Variants in NRXN3 observed in about 807,000 individuals in gnomAD.
The protein encoded by NRXN3 is neurexin 3.
In NRXN3, 32 loss-of-function variants were observed where a neutral mutation model predicts 137.6. That is an observed-to-expected ratio of 0.23 (90% confidence interval 0.18 to 0.31). NRXN3 has a LOEUF of 0.31. Among genes scored for constraint, NRXN3 ranks in the 10% least tolerant of loss-of-function variants. The pLI, the probability that NRXN3 is intolerant of heterozygous loss-of-function variation, is 1.00. For missense variants in NRXN3, 1,574 were observed against 2,062.5 expected, an observed-to-expected ratio of 0.76 and a Z score of 4.59; for synonymous variants, 798 against 784.5, an observed-to-expected ratio of 1.02 and a Z score of -0.29.
chr14:78,273,939 T>C (rs2073183889), intron 2 of NRXN3, among the ~76,000 whole-genome samples: 3 of 152,220 alleles, frequency 2.0e-5, no homozygotes, highest in Admixed American at 2.0e-4. Flanking sequence ...GTTCACCAGG[T>C]GGGGTCCCAG....
intron 19 of NRXN3, among the ~76,000 whole-genome samples, chr14:79,778,734 A>G (rs2099105192): frequency 6.6e-6 from 1 of 152,184 alleles, no homozygotes; most frequent in Admixed American, 6.5e-5. Context: ...AGTTTAAAAA[A>G]AACATTGTTC....
At chr14:78,501,590 T>C (rs1019933204) in intron 4 of NRXN3, among the ~76,000 whole-genome samples, 26 of 152,214 alleles carry the variant, frequency 1.7e-4, no homozygotes, top group African/African-American at 6.0e-4. Flanking sequence ...GAGAAGGTTA[T>C]ACTTGGGCAC....
At chr14:78,959,159 G>A (rs1300984191) in intron 11 of NRXN3, among the ~76,000 whole-genome samples, 2 of 152,164 alleles carry the variant, frequency 1.3e-5, no homozygotes, top group Admixed American at 6.5e-5. Flanking sequence ...AGGTGTGTGT[G>A]TGTAGAGAAG....
intron 2 of NRXN3, among the ~76,000 whole-genome samples, chr14:78,248,314 C>CCCCCCCCCCCCCCCCCCCCCCCCA (rs71131639): frequency 2.1e-5 from 1 of 47,622 alleles, no homozygotes; most frequent in Non-Finnish European, 4.3e-5. Context: ...CCCCCCCCCC[C>CCCCCCCCCCCCCCCCCCCCCCCCA]CCACCCGCCA....
intron 4 of NRXN3, among the ~76,000 whole-genome samples, chr14:78,546,950 T>C (rs2096641592): frequency 6.6e-6 from 1 of 152,238 alleles, no homozygotes; most frequent in African/African-American, 2.4e-5. Context: ...AATCTGGCAC[T>C]GAAATCCACT....
chr14:79,801,553 C>T (rs1053626952), intron 19 of NRXN3, among the ~76,000 whole-genome samples: 2 of 152,176 alleles, frequency 1.3e-5, no homozygotes, highest in Non-Finnish European at 2.9e-5. Context: ...TGTGCACGCA[C>T]ACACACACAT....
At chr14:78,202,729 T>A (rs1253517003) in intron 1 of NRXN3, among the ~76,000 whole-genome samples, 10 of 152,144 alleles carry the variant, frequency 6.6e-5, no homozygotes, top group Non-Finnish European at 1.5e-4. Flanking sequence ...CCCTGCCAAC[T>A]GTTAAGAGTC....
At chr14:79,473,745 A>G (rs973055657) in intron 16 of NRXN3, among the ~76,000 whole-genome samples, 3 of 147,036 alleles carry the variant, frequency 2.0e-5, no homozygotes, top group African/African-American at 7.6e-5. Flanking sequence ...TTCCATCGCT[A>G]TTTGTTCTTA....
chr14:78,850,702 T>G (rs111900396), intron 10 of NRXN3, among the ~76,000 whole-genome samples: 1 of 152,116 alleles, frequency 6.6e-6, no homozygotes, highest in Non-Finnish European at 1.5e-5. Flanking sequence ...AGCAAAAATG[T>G]TATAATTTAG....
intron 15 of NRXN3, among the ~76,000 whole-genome samples, chr14:79,457,280 A>C (rs2096270701): frequency 6.6e-6 from 1 of 152,180 alleles, no homozygotes; most frequent in Non-Finnish European, 1.5e-5. Flanking sequence ...AGTCTCCTAT[A>C]GTCAAAAAAC....
At chr14:78,839,754 A>C (rs546434884) in intron 10 of NRXN3, among the ~76,000 whole-genome samples, 21 of 152,328 alleles carry the variant, frequency 1.4e-4, no homozygotes, top group African/African-American at 5.1e-4. Context: ...GCCTCACTGG[A>C]GCAAGAAAGT....
At chr14:78,829,805 A>C (rs2098976751) in intron 10 of NRXN3, among the ~76,000 whole-genome samples, 1 of 152,194 alleles carries the variant, frequency 6.6e-6, no homozygotes, top group Admixed American at 6.5e-5. Flanking sequence ...TCAAAAAATC[A>C]AGTCCTTTGC....
intron 8 of NRXN3, among the ~76,000 whole-genome samples, chr14:78,759,244 G>T (rs753953743): frequency 1.3e-5 from 2 of 152,150 alleles, no homozygotes; most frequent in Non-Finnish European, 2.9e-5. Context: ...TGGTATTTCC[G>T]CTTGTTGGTA....
At chr14:78,439,538 A>G (rs1393049047) in intron 4 of NRXN3, among the ~76,000 whole-genome samples, 1 of 152,204 alleles carries the variant, frequency 6.6e-6, no homozygotes, top group Non-Finnish European at 1.5e-5. Flanking sequence ...TCACGCAGCT[A>G]GTAAGTGGTT....
At chr14:79,458,648 C>T (rs2096287153) in intron 15 of NRXN3, among the ~76,000 whole-genome samples, 1 of 152,096 alleles carries the variant, frequency 6.6e-6, no homozygotes, top group African/African-American at 2.4e-5. Flanking sequence ...GACAATAAAA[C>T]TTAATATTTA....
chr14:78,998,852 C>T (rs1198053697), intron 15 of NRXN3, among the ~76,000 whole-genome samples: 3 of 151,358 alleles, frequency 2.0e-5, no homozygotes, highest in Admixed American at 6.6e-5. Context: ...GATCCTCCCA[C>T]CTCTGCCTCC....
At chr14:79,788,468 A>G (rs2099135807) in intron 19 of NRXN3, among the ~76,000 whole-genome samples, 1 of 152,208 alleles carries the variant, frequency 6.6e-6, no homozygotes, top group African/African-American at 2.4e-5. Context: ...AAGTAACACT[A>G]TTAAGAACAC....
At chr14:79,252,796 A>G (rs1231883309) in intron 15 of NRXN3, among the ~76,000 whole-genome samples, 1 of 152,212 alleles carries the variant, frequency 6.6e-6, no homozygotes, top group Non-Finnish European at 1.5e-5. Context: ...GAGCTAGAAC[A>G]TACCTTCCCT....
intron 15 of NRXN3, among the ~76,000 whole-genome samples, chr14:79,125,680 A>AT (rs2056292639): frequency 6.6e-6 from 1 of 152,114 alleles, no homozygotes; most frequent in South Asian, 2.1e-4. Context: ...CTTGGCCTCT[A>AT]TATACTTTAC....
Sources: allele counts gnomAD v4.1 joint callset (sites outside exome capture counted in the v4.1 genomes callset), GRCh38; gene constraint gnomAD v4.1.1; transcripts MANE v1.5; gene names NCBI Gene and HGNC (gene_info 2026-07-23, HGNC 2026-07-21).